The following PXT1 variants were observed in gnomAD, a reference collection of about 807,000 sequenced individuals.
PXT1 encodes the protein peroxisomal testis enriched protein 1, also known as peroxisomal testis-specific protein 1.
Under a neutral mutation model 11.0 loss-of-function variants are expected in PXT1, and 11 were observed. That is an observed-to-expected ratio of 1.00 (90% CI 0.63 to 1.66). The LOEUF is 1.66. Among genes scored for constraint, PXT1 ranks in the 40% most tolerant of loss-of-function variants. The probability of loss-of-function intolerance (pLI) is 0.00; values close to 1 mark genes in which losing one functional copy is unlikely to be tolerated. For missense variants in PXT1, 141 were observed against 155.5 expected, an observed-to-expected ratio of 0.91 and a Z score of 0.49; for synonymous variants, 43 against 51.4, an observed-to-expected ratio of 0.84 and a Z score of 0.70.
At chr6:36,405,327 A>G (rs1186748936) in intron 3 of PXT1, among the ~76,000 whole-genome samples, 1 of 152,248 alleles carries the variant, frequency 6.6e-6, no homozygotes, top group African/African-American at 2.4e-5. Context: ...AAAAGTTTCA[A>G]AATAAAAAGT....
intron 3 of PXT1, among the ~76,000 whole-genome samples, chr6:36,410,270 GA>G (rs1561928046): frequency 1.3e-5 from 2 of 152,218 alleles, no homozygotes; most frequent in Admixed American, 1.3e-4. Flanking sequence ...GACCAACACG[GA>G]AAAACCCTGT....
chr6:36,412,080 G>A (rs1022301169), intron 3 of PXT1, among the ~76,000 whole-genome samples: 4 of 152,222 alleles, frequency 2.6e-5, no homozygotes, highest in Admixed American at 6.5e-5. Flanking sequence ...AGCCAGGCGC[G>A]GTGGCTCATG....
chr6:36,436,158 T>C (rs1026453758), intron 2 of PXT1, among the ~76,000 whole-genome samples: 4 of 94,284 alleles, frequency 4.2e-5, no homozygotes, highest in Non-Finnish European at 8.6e-5. Flanking sequence ...GAGTACTGAG[T>C]AAGTGGCACA....
At chr6:36,423,209 A>C (rs1774546865) in intron 3 of PXT1, among the ~76,000 whole-genome samples, 1 of 152,198 alleles carries the variant, frequency 6.6e-6, no homozygotes, top group Non-Finnish European at 1.5e-5. Flanking sequence ...GAAGCCACTG[A>C]GGGGAGAGGT....
chr6:36,418,340 C>T (rs1774480689), intron 3 of PXT1, among the ~76,000 whole-genome samples: 1 of 152,086 alleles, frequency 6.6e-6, no homozygotes, highest in Non-Finnish European at 1.5e-5. Context: ...GAAAACATGA[C>T]CAATTAAGGA....
chr6:36,404,265 CTG>C (rs1316189203), intron 3 of PXT1, among the ~76,000 whole-genome samples: 1 of 152,198 alleles, frequency 6.6e-6, no homozygotes, highest in Non-Finnish European at 1.5e-5. Flanking sequence ...GGTCGCATAA[CTG>C]TGTTTCAGTC....
At chr6:36,395,213 G>A (rs1245245157) in intron 4 of PXT1, among the ~76,000 whole-genome samples, 1 of 152,124 alleles carries the variant, frequency 6.6e-6, no homozygotes, top group African/African-American at 2.4e-5. Context: ...AAAAAATTTG[G>A]CAGCTCAACA....
chr6:36,404,907 C>T (rs992187599), intron 3 of PXT1, among the ~76,000 whole-genome samples: 3 of 152,056 alleles, frequency 2.0e-5, no homozygotes, highest in African/African-American at 7.2e-5. Context: ...CAGTGAGCCA[C>T]GATTGCGCCA....
At chr6:36,394,941 C>T (rs998241860) in intron 4 of PXT1, among the ~76,000 whole-genome samples, 12 of 152,002 alleles carry the variant, frequency 7.9e-5, no homozygotes, top group Non-Finnish European at 1.6e-4. Context: ...AGCTGGACTA[C>T]AGGCACACAC....
In PXT1 at chr6:36,391,726, G is replaced by T; in HGVS notation, c.*44C>A. 1 of 1,283,628 alleles carries T rather than the reference G, an allele frequency of 7.8e-7. No homozygotes were observed. Among genetic ancestry groups the T allele is most frequent in the Non-Finnish European group, 1.1e-6 (1 of 880,254 alleles). 79.5% of individuals were successfully genotyped at this position (1,283,628 alleles called of 1,614,324 possible). On this transcript the variant is annotated 3_prime_UTR_variant, in exon 5 of 5. Coordinates refer to ENST00000454782, the MANE Select transcript of PXT1 (RefSeq NM_152990.4). ...CAGTGGGATTCATGTTTCTCAGAGG[G>T]TAAAAAGAAAACAGAACTTGACCAC...
At chr6:36,428,444 G>A (rs1774639771) in intron 2 of PXT1, among the ~76,000 whole-genome samples, 2 of 134,506 alleles carry the variant, frequency 1.5e-5, no homozygotes, top group South Asian at 4.6e-4. Context: ...TCCTAAATGA[G>A]CAAAGTTGAT....
chr6:36,411,822 G>C (rs1027933348), intron 3 of PXT1, among the ~76,000 whole-genome samples: 2 of 150,348 alleles, frequency 1.3e-5, no homozygotes, highest in African/African-American at 2.5e-5. Flanking sequence ...GGTGATGTGT[G>C]TCTGTAGTCC....
chr6:36,400,698 G>A, intron 3 of PXT1, 114 bp from the exon 4 acceptor site: 1 of 1,139,472 alleles, frequency 8.8e-7, no homozygotes. Context: ...GCCAGATGCA[G>A]TGGCTCACGC....
chr6:36,409,091 G>C (rs546491982), intron 3 of PXT1, among the ~76,000 whole-genome samples: 1 of 152,108 alleles, frequency 6.6e-6, no homozygotes, highest in African/African-American at 2.4e-5. Context: ...CTCACGTAGT[G>C]GTCATCCATT....
chr6:36,421,910 A>T (rs1000448637), intron 3 of PXT1, among the ~76,000 whole-genome samples: 5 of 152,168 alleles, frequency 3.3e-5, no homozygotes, highest in Non-Finnish European at 7.4e-5. Flanking sequence ...TACCTCAATG[A>T]TTTTTGAAAA....
intron 4 of PXT1, among the ~76,000 whole-genome samples, chr6:36,394,739 A>G (rs1033828211): frequency 4.6e-5 from 7 of 151,530 alleles, no homozygotes; most frequent in African/African-American, 1.7e-4. Flanking sequence ...AAAAAAACTG[A>G]ATTAAAAAAA....
At chr6:36,418,888 C>T (rs1774487657) in intron 3 of PXT1, among the ~76,000 whole-genome samples, 1 of 152,148 alleles carries the variant, frequency 6.6e-6, no homozygotes, top group African/African-American at 2.4e-5. Context: ...GATCCCATGA[C>T]AGAGTAAAGA....
At chr6:36,420,604 G>C (rs1774510493) in intron 3 of PXT1, among the ~76,000 whole-genome samples, 1 of 152,124 alleles carries the variant, frequency 6.6e-6, no homozygotes, top group Admixed American at 6.5e-5. Context: ...ATGAAAGAGA[G>C]AGTCTTCACT....
In PXT1 at chr6:36,391,915, TTTTTTAA is replaced by T. The variant is rs1561922816; in HGVS notation, c.301-48_301-42del. ...GAGACACAGAGAAAGGTTTTTTTTT[TTTTTTAA>T]AAGTGATAGAATAATCCAAAGTTAA... On this transcript the variant is annotated intron_variant, in intron 4 of 4. Coordinates refer to ENST00000454782, the MANE Select transcript of PXT1 (RefSeq NM_152990.4). The T allele has an allele frequency of 3.3e-6, 4 of 1,223,708 alleles. No homozygotes were observed. In the Admixed American group the frequency reaches 9.9e-5, roughly 30 times the overall value. The allele number at this position is 1,223,708 out of a possible 1,614,324, so 75.8% of individuals were successfully genotyped here.
Sources: allele counts gnomAD v4.1 joint callset (sites outside exome capture counted in the v4.1 genomes callset), GRCh38; gene constraint gnomAD v4.1.1; transcripts MANE v1.5; gene names NCBI Gene and HGNC (gene_info 2026-07-23, HGNC 2026-07-21).